TIAM1: variants seen among roughly 807,000 people sequenced by gnomAD.
The protein encoded by TIAM1 is rho guanine nucleotide exchange factor TIAM1.
Under a neutral mutation model 163.5 loss-of-function variants are expected in TIAM1, and 65 were observed. That is an observed-to-expected ratio of 0.40 (90% CI 0.33 to 0.49). The LOEUF (loss-of-function observed/expected upper bound fraction) is 0.49. TIAM1 is among the 20% of genes least tolerant of loss of function. TIAM1 has a pLI of 0.77. For missense variants in TIAM1, 1,789 were observed against 2,044.7 expected (o/e 0.87, Z 2.41); for synonymous variants, 833 against 810.1 (o/e 1.03, Z -0.48).
intron 2 of TIAM1, among the ~76,000 whole-genome samples, chr21:31,438,417 C>A (rs530786622): frequency 1.3e-5 from 2 of 151,900 alleles, no homozygotes; most frequent in South Asian, 4.2e-4. Context: ...GTCTCGAACT[C>A]CTGACCTCAA....
chr21:31,155,727 A>G (rs192671096), intron 16 of TIAM1, among the ~76,000 whole-genome samples: 122 of 152,080 alleles, frequency 8.0e-4, no homozygotes, highest in African/African-American at 2.8e-3. Flanking sequence ...GATGGTCTCA[A>G]TCTGACCTTG....
Position 31,206,936 on chromosome 21 carries a change from T to TACACACACACACACACACAC in TIAM1, c.2388+3108_2388+3109insGTGTGTGTGTGTGTGTGTGT, listed in dbSNP as rs142792769. On this transcript the variant is annotated intron_variant, in intron 11 of 27. Coordinates refer to ENST00000541036, the MANE Select transcript of TIAM1 (RefSeq NM_001353694.2). Reference sequence around the variant, plus strand: ...TAGTCACTGCATACAGAAATATGTATACACACACACACACACAAAGTGCTA... The same window carrying TACACACACACACACACACAC: ...TAGTCACTGCATACAGAAATATGTATACACACACACACACACACACACACACACACACACACAAAGTGCTA... Among the ~76,000 whole-genome samples the TACACACACACACACACACAC allele has an allele frequency of 3.0e-4, 45 of 151,364 alleles. 1 individual carries two copies. Among genetic ancestry groups the TACACACACACACACACACAC allele is most frequent in the African/African-American group, 9.9e-4 (41 of 41,232 alleles).
intron 2 of TIAM1, among the ~76,000 whole-genome samples, chr21:31,384,152 A>T (rs2076826260): frequency 6.6e-6 from 1 of 152,070 alleles, no homozygotes; most frequent in African/African-American, 2.4e-5. Context: ...CAAGCAGGGG[A>T]CTGGGCACCT....
In TIAM1 at chr21:31,213,413, A is replaced by G. The variant is rs749233781; in HGVS notation, c.2202T>C (p.Ile734=). 2 of 1,610,602 alleles carry G rather than the reference A, an allele frequency of 1.2e-6. No individual in the cohort carries two copies. The highest frequency in any genetic ancestry group is 1.1e-5 in the South Asian group (1 of 90,098). Residue 734 remains isoleucine, a synonymous_variant, in exon 10 of 28, where the codon ATT becomes ATC. Coordinates refer to ENST00000541036, the MANE Select transcript of TIAM1 (RefSeq NM_001353694.2). The part of the protein sequence containing the change: ...KKSLEGIFDD[I]VPDGKREKEV... ...TTATTTTTACCTTGCCATCTGGAAC[A>G]ATGTCATCAAATATTCCCTCTAAAG...
rs541502338 is a variant in TIAM1 at position 31,195,447 on chromosome 21, TTAAAAG to T, written c.2494-148_2494-143del. 130 of 634,120 alleles carry T rather than the reference TTAAAAG, an allele frequency of 2.1e-4. 3 individuals carry two copies. In the South Asian group the frequency reaches 2.7e-3, roughly 13 times the overall value. The allele number at this position is 634,120 out of a possible 1,614,324, so 39.3% of individuals were successfully genotyped here. On this transcript the variant is annotated intron_variant, in intron 12 of 27. Transcript: ENST00000541036. ...CAATCTTATCATTAAACGAAACTCA[TTAAAAG>T]TAAAAAGTAAAAGTAAAAACTTCCA...
chr21:31,351,801 C>T (rs773932885), intron 2 of TIAM1, among the ~76,000 whole-genome samples: 46 of 149,756 alleles, frequency 3.1e-4, no homozygotes, highest in Non-Finnish European at 5.2e-4. Flanking sequence ...GGCGTGGTGG[C>T]TCATGCCTAT....
At position 31,442,064 on chromosome 21, in the gene TIAM1, T is replaced by TAAAAAAAAAAA. The variant is rs1250832519; in HGVS notation, c.-369+21918_-369+21919insTTTTTTTTTTT. On this transcript the variant is annotated intron_variant, in intron 2 of 28. Transcript: ENST00000286827. ...AAATGAGACCCTATCTCAGAACAAA[T>TAAAAAAAAAAA]AAATAAATATATATATATATATAGA... Among the ~76,000 whole-genome samples, 100 of 84,666 alleles carry TAAAAAAAAAAA rather than the reference T, an allele frequency of 1.2e-3. 1 individual carries two copies. The highest frequency in any genetic ancestry group is 4.8e-3 in the African/African-American group (95 of 19,658). 55.5% of individuals were successfully genotyped at this position (84,666 alleles called of 152,430 possible). A position where few individuals can be genotyped will look rare whatever the true frequency, so the allele number is the denominator to read the frequency against.
rs569131469 is a variant in TIAM1, at chr21:31,200,535, C to T, written c.2493+2373G>A. On this transcript the variant is annotated intron_variant, in intron 12 of 27. Coordinates refer to ENST00000541036, the MANE Select transcript of TIAM1 (RefSeq NM_001353694.2). ...GTCTCAAAATATTATTTATGCTCAT[C>T]GTTACCTCAGAACAGTGGTAGCTAT... Among the ~76,000 whole-genome samples, 208 of 152,278 alleles carry T rather than the reference C, an allele frequency of 1.4e-3. 1 individual carries two copies. The highest frequency in any genetic ancestry group is 2.5e-3 in the Non-Finnish European group (170 of 68,016).
chr21:31,129,223 A>T (rs1043233089), intron 25 of TIAM1, among the ~76,000 whole-genome samples: 1 of 152,224 alleles, frequency 6.6e-6, no homozygotes, highest in African/African-American at 2.4e-5. Context: ...CTTGGCTTCA[A>T]ATTAGGCCCA....
intron 2 of TIAM1, among the ~76,000 whole-genome samples, chr21:31,287,675 G>T (rs961669403): frequency 6.6e-6 from 1 of 152,196 alleles, no homozygotes; most frequent in African/African-American, 2.4e-5. Flanking sequence ...TCTGAGGAAT[G>T]AAAGTATCAT....
Position 31,182,579 on chromosome 21 carries a change from A to G in TIAM1, c.2729T>C (p.Met910Thr). ...GGGCTGTGAGAGGAAATCTTTGAGC[A>G]TAGAAGAGTTCAGGGCGTCAGCAGC... ...NRAADALNSSMLKDFLSQPSL... is the reference protein window; with the variant it reads ...NRAADALNSSTLKDFLSQPSL... Residue 910 changes from methionine to threonine, a missense_variant, in exon 15 of 28, where the codon ATG (methionine) becomes ACG (threonine). Met to Thr is a moderately conservative substitution (Grantham distance 81). Transcript: ENST00000541036. 6.2e-7 allele frequency: 1 copy of G among 1,614,160 alleles called. No individual in the cohort carries two copies. The highest frequency in any genetic ancestry group is 8.5e-7 in the Non-Finnish European group (1 of 1,180,002).
chr21:31,512,383 A>C (rs537242128), intron 1 of TIAM1, among the ~76,000 whole-genome samples: 9 of 152,178 alleles, frequency 5.9e-5, no homozygotes, highest in Admixed American at 5.2e-4. Context: ...TACAGGTATG[A>C]GCCATCTCAT....
intron 6 of TIAM1, among the ~76,000 whole-genome samples, chr21:31,243,820 T>C (rs1471199625): frequency 6.6e-6 from 1 of 152,128 alleles, no homozygotes; most frequent in Admixed American, 6.5e-5. Context: ...CAGAAAGCAG[T>C]GGGATTTTCA....
At chr21:31,173,978 C>T (rs1221081804) in intron 15 of TIAM1, among the ~76,000 whole-genome samples, 1 of 152,180 alleles carries the variant, frequency 6.6e-6, no homozygotes, top group Non-Finnish European at 1.5e-5. Flanking sequence ...TGACAAGAAG[C>T]ACAGCAGGCC....
chr21:31,160,283 A>G (rs1434436087), intron 16 of TIAM1, among the ~76,000 whole-genome samples: 1 of 152,206 alleles, frequency 6.6e-6, no homozygotes, highest in African/African-American at 2.4e-5. Flanking sequence ...AAAAGCCACA[A>G]TACAGACTTT....
chr21:31,458,982 G>A (rs2045221672), intron 2 of TIAM1, among the ~76,000 whole-genome samples: 1 of 152,212 alleles, frequency 6.6e-6, no homozygotes, highest in South Asian at 2.1e-4. Flanking sequence ...AAATGAGGAG[G>A]ACAGGAGGTG....
chr21:31,449,185 G>T (rs1159341747), intron 2 of TIAM1, among the ~76,000 whole-genome samples: 1 of 151,940 alleles, frequency 6.6e-6, no homozygotes, highest in Non-Finnish European at 1.5e-5. Flanking sequence ...GGCTGGTCTT[G>T]AACTCCTGGG....
At chr21:31,367,132 AGGAAGGAG>A (rs2076517330) in intron 2 of TIAM1, among the ~76,000 whole-genome samples, 1 of 141,610 alleles carries the variant, frequency 7.1e-6, no homozygotes, top group African/African-American at 2.5e-5. Context: ...TAAGGAGAGA[AGGAAGGAG>A]GGAGGGAGGG....
chr21:31,131,412 G>A (rs1436823285), intron 23 of TIAM1, among the ~76,000 whole-genome samples: 2 of 152,156 alleles, frequency 1.3e-5, no homozygotes, highest in African/African-American at 2.4e-5. Flanking sequence ...CTCATCTTTT[G>A]ACCTAAAGAA....
Sources: allele counts gnomAD v4.1 joint callset (sites outside exome capture counted in the v4.1 genomes callset), GRCh38; gene constraint gnomAD v4.1.1; transcripts MANE v1.5; gene names NCBI Gene and HGNC (gene_info 2026-07-23, HGNC 2026-07-21).